GRIK5: variants seen among roughly 807,000 people sequenced by gnomAD.
The protein encoded by GRIK5 is glutamate receptor ionotropic, kainate 5.
Under a neutral mutation model 97.4 loss-of-function variants are expected in GRIK5, and 43 were observed. The ratio of observed to expected loss-of-function variants is 0.44; its 90% CI spans 0.35 to 0.57. GRIK5 has a LOEUF of 0.57. GRIK5 is among the 20% of genes least tolerant of loss of function. The pLI is 0.01. For missense variants in GRIK5, 1,015 were observed against 1,382.0 expected, an observed-to-expected ratio of 0.73 and a Z score of 4.21; for synonymous variants, 580 against 583.5, an observed-to-expected ratio of 0.99 and a Z score of 0.09.
At position 41,999,418 on chromosome 19, in the gene GRIK5, C is replaced by T. The variant is rs2075407340; in HGVS notation, c.2515-119G>A. The T allele has an allele frequency of 2.7e-6, 2 of 737,866 alleles. No homozygotes were observed. The highest frequency in any genetic ancestry group is 4.2e-6 in the Non-Finnish European group (2 of 480,666). 45.7% of individuals were successfully genotyped at this position (737,866 alleles called of 1,614,324 possible). On this transcript the variant is annotated intron_variant, in intron 19 of 19. Transcript: ENST00000593562. The surrounding 1 kb of genome is among the most constrained non-coding windows in gnomAD (Gnocchi z 5.0). ...CGCCCGGGTCTTTCTTCCTTCTGCC[C>T]TCGCTTCCCTTCCCACTTCTCTTCC... is the stretch of plus-strand genomic sequence containing the variant.
intron 6 of GRIK5, among the ~76,000 whole-genome samples, chr19:42,058,446 G>C (rs187057222): frequency 1.5e-4 from 22 of 150,604 alleles, no homozygotes; most frequent in African/African-American, 5.4e-4. Flanking sequence ...CTCCCAAAGT[G>C]CTGGGATTAC....
Position 42,006,812 on chromosome 19 carries a change from T to G in GRIK5, c.1872-2A>C. The G allele has an allele frequency of 6.3e-7, 1 of 1,594,582 alleles. No homozygotes were observed. Among genetic ancestry groups the G allele is most frequent in the Non-Finnish European group, 8.6e-7 (1 of 1,168,354 alleles). ...ATGATGATCAAGGTGAAGGCCCACC[T>G]GAAGGGTGGGAGGGGTGAGTCACGG... On this transcript the variant is annotated splice_acceptor_variant, in intron 15 of 19. Coordinates refer to ENST00000593562, the MANE Select transcript of GRIK5 (RefSeq NM_002088.5). LOFTEE classifies it high-confidence loss of function. This position sits in a 1 kb window ranked among gnomAD's most constrained non-coding sequence, Gnocchi z 5.3.
intron 12 of GRIK5, among the ~76,000 whole-genome samples, chr19:42,036,353 T>G (rs2075905007): frequency 6.6e-6 from 1 of 151,720 alleles, no homozygotes; most frequent in South Asian, 2.1e-4. Context: ...TGAGCCACTG[T>G]GCCCAGCCTA....
At chr19:42,024,337 C>T (rs924865707) in intron 12 of GRIK5, among the ~76,000 whole-genome samples, 6 of 151,940 alleles carry the variant, frequency 3.9e-5, no homozygotes, top group Middle Eastern at 3.2e-3. Flanking sequence ...CTCAGCCTCC[C>T]GAGTAGCTGG....
chr19:42,031,702 T>C (rs1318441992), intron 12 of GRIK5, among the ~76,000 whole-genome samples: 1 of 152,252 alleles, frequency 6.6e-6, no homozygotes, highest in Non-Finnish European at 1.5e-5. Context: ...TAGAAACTGT[T>C]GTAGTCTTTC....
chr19:42,025,346 A>G (rs998704869), intron 12 of GRIK5, among the ~76,000 whole-genome samples: 53 of 151,976 alleles, frequency 3.5e-4, no homozygotes, highest in Non-Finnish European at 1.0e-4. Context: ...CTCCCCTCCT[A>G]GGGGCTTTAT....
chr19:42,021,925 T>C lies in GRIK5; in HGVS notation c.1697+22A>G. The stretch of plus-strand genomic sequence containing the variant: ...CTCGTGCCTCCTCCAGCCCCTTCCT[T>C]CCCAGTAGGCAGTGGACTCACCTGG... On this transcript the variant is annotated intron_variant, in intron 14 of 19. Transcript: ENST00000593562. This position sits in a 1 kb window ranked among gnomAD's most constrained non-coding sequence, Gnocchi z 4.2. 1 of 1,543,662 alleles carries C rather than the reference T, an allele frequency of 6.5e-7. No homozygotes were observed. Among genetic ancestry groups the C allele is most frequent in the Middle Eastern group, 1.7e-4 (1 of 5,846 alleles).
chr19:42,047,141 G>A (rs1275618828), intron 11 of GRIK5, among the ~76,000 whole-genome samples: 21 of 151,822 alleles, frequency 1.4e-4, no homozygotes. Context: ...GCCCACCCCG[G>A]CCTCCCAAAC....
intron 11 of GRIK5, among the ~76,000 whole-genome samples, chr19:42,052,887 T>C (rs1490092545): frequency 6.6e-6 from 1 of 152,228 alleles, no homozygotes; most frequent in Non-Finnish European, 1.5e-5. Flanking sequence ...GGGGACTCAC[T>C]GTGTGACCTG....
chr19:42,046,094 A>G (rs2076039937), intron 11 of GRIK5, among the ~76,000 whole-genome samples: 1 of 152,184 alleles, frequency 6.6e-6, no homozygotes, highest in Non-Finnish European at 1.5e-5. Context: ...TCAGAGAGGT[A>G]AAGCATCTAG....
rs184900044 is a variant in GRIK5 at position 42,057,130 on chromosome 19, T to C, written c.688-152A>G. The C allele has an allele frequency of 8.5e-5, 58 of 678,424 alleles. 1 individual carries two copies. The highest frequency in any genetic ancestry group is 8.1e-4 in the Admixed American group (36 of 44,662). 42.0% of individuals were successfully genotyped at this position (678,424 alleles called of 1,614,324 possible). On this transcript the variant is annotated intron_variant, in intron 6 of 19. Transcript: ENST00000593562. ...CAGTAAAGTAATAAATGCTCAGAGA[T>C]AGACAGACAGGGAGGAGGAGACAAG...
rs1386339775 is a variant in GRIK5 at position 42,069,666 on chromosome 19, G to A, written c.-476C>T. ...CCGGGCCGGCCTGGGGGGGCCACAG[G>A]GGGCGAGGACTGGGTGGAGAAAAGG... On this transcript the variant is annotated 5_prime_UTR_variant, in exon 1 of 20. Transcript: ENST00000593562. 6.6e-6 allele frequency among the ~76,000 whole-genome samples: 1 copy of A among 151,368 alleles called. No homozygotes were observed. The highest frequency in any genetic ancestry group is 1.5e-5 in the Non-Finnish European group (1 of 67,600).
At chr19:42,008,143 G>A (rs1309651768) in intron 15 of GRIK5, among the ~76,000 whole-genome samples, 1 of 151,904 alleles carries the variant, frequency 6.6e-6, no homozygotes, top group East Asian at 2.0e-4. Flanking sequence ...TCAGCTTCCT[G>A]AGTAGTTGGG....
At position 42,022,156 on chromosome 19, in the gene GRIK5, A is replaced by C; in HGVS notation, c.1587+85T>G. On this transcript the variant is annotated intron_variant, in intron 13 of 19. Transcript: ENST00000593562. The surrounding 1 kb of genome is among the most constrained non-coding windows in gnomAD (Gnocchi z 4.2). ...CCTGGGAGCCTGACCGGCCCATCTG[A>C]GGTCCTGGGGCTGTCTGGCTCCCAC... is the stretch of plus-strand genomic sequence containing the variant. 2.1e-6 allele frequency: 3 copies of C among 1,400,390 alleles called. No individual in the cohort carries two copies. The highest frequency in any genetic ancestry group is 3.0e-6 in the Non-Finnish European group (3 of 994,488). 86.7% of individuals were successfully genotyped at this position (1,400,390 alleles called of 1,614,324 possible).
Position 42,003,164 on chromosome 19 carries a change from G to A in GRIK5, c.2514+168C>T, listed in dbSNP as rs2075443999. Among the ~76,000 whole-genome samples the A allele has an allele frequency of 6.6e-6, 1 of 151,920 alleles. No homozygotes were observed. Among genetic ancestry groups the A allele is most frequent in the Non-Finnish European group, 1.5e-5 (1 of 67,998 alleles). On this transcript the variant is annotated intron_variant, in intron 19 of 19. Coordinates refer to ENST00000593562, the MANE Select transcript of GRIK5 (RefSeq NM_002088.5). This position sits in a 1 kb window ranked among gnomAD's most constrained non-coding sequence, Gnocchi z 4.2. ...TCCCTCCTGTTCTTCCTCACGCGCT[G>A]ATTCTCTGGCCCCATCAGCTCTCTT...
chr19:42,055,082 T>G (rs1377350736), intron 8 of GRIK5, among the ~76,000 whole-genome samples: 1 of 152,230 alleles, frequency 6.6e-6, no homozygotes, highest in Non-Finnish European at 1.5e-5. Flanking sequence ...TACCTTCATG[T>G]GCTGTTACGG....
At chr19:42,035,860 T>C (rs2075897967) in intron 12 of GRIK5, among the ~76,000 whole-genome samples, 1 of 152,238 alleles carries the variant, frequency 6.6e-6, no homozygotes, top group Non-Finnish European at 1.5e-5. Flanking sequence ...TAGTATTACA[T>C]ATATAAACAG....
At chr19:42,068,936 G>A (rs1463194266) in intron 1 of GRIK5, 2 of 643,616 alleles carry the variant, frequency 3.1e-6, no homozygotes, top group Non-Finnish European at 5.6e-6. Context: ...GAGACAGCAG[G>A]GGCACGGACA....
intron 9 of GRIK5, 56 bp from the exon 10 acceptor site, chr19:42,053,985 G>A: frequency 8.3e-7 from 1 of 1,204,176 alleles, no homozygotes; most frequent in Non-Finnish European, 1.2e-6. Flanking sequence ...GAGATGGGCA[G>A]GGAAGGCCCA....
Sources: gnomAD v4.1 joint callset for allele counts (sites outside exome capture counted in the v4.1 genomes callset) on GRCh38, gnomAD v4.1.1 for gene constraint, Gnocchi (gnomAD v3.1) non-coding constraint, MANE v1.5 for transcripts, NCBI Gene and HGNC (gene_info 2026-07-23, HGNC 2026-07-21) for gene names.